The following STAC variants were observed in gnomAD, a reference collection of about 807,000 sequenced individuals.
STAC encodes SH3 and cysteine rich domain, also known as SH3 and cysteine-rich domain-containing protein.
Under a neutral mutation model 48.8 loss-of-function variants are expected in STAC, and 43 were observed. That is an observed-to-expected ratio of 0.88 (90% CI 0.69 to 1.14). The LOEUF is 1.14. Among genes scored for constraint, STAC ranks in the 50% most tolerant of loss-of-function variants. The pLI is 0.00. For missense variants in STAC, 497 were observed against 504.0 expected (o/e 0.99, Z 0.13); for synonymous variants, 193 against 179.5 (o/e 1.07, Z -0.60).
chr3:36,510,648 C>T (rs565583039), intron 8 of STAC, among the ~76,000 whole-genome samples: 286 of 152,220 alleles, frequency 1.9e-3, no homozygotes, highest in African/African-American at 6.5e-3. Context: ...TGAGTTCATG[C>T]CCTTTGCAGG....
At chr3:36,522,517 C>T (rs1287737563) in intron 8 of STAC, among the ~76,000 whole-genome samples, 2 of 152,112 alleles carry the variant, frequency 1.3e-5, no homozygotes, top group Non-Finnish European at 2.9e-5. Flanking sequence ...ATTTTTGTAT[C>T]CCCCAATGCA....
intron 2 of STAC, among the ~76,000 whole-genome samples, chr3:36,481,519 T>C (rs73827546): frequency 0.024 from 3,637 of 152,292 alleles, 135 homozygotes; most frequent in African/African-American, 0.082. Context: ...GGTCTGTGGA[T>C]GGCTGTGCTG....
At chr3:36,460,105 C>G (rs1327971828) in intron 2 of STAC, among the ~76,000 whole-genome samples, 1 of 151,962 alleles carries the variant, frequency 6.6e-6, no homozygotes, top group Non-Finnish European at 1.5e-5. Flanking sequence ...TTCTTCTATG[C>G]AAAGGAAAGA....
At chr3:36,503,410 T>G (rs1166125656) in intron 6 of STAC, among the ~76,000 whole-genome samples, 2 of 152,002 alleles carry the variant, frequency 1.3e-5, no homozygotes, top group African/African-American at 4.8e-5. Context: ...GCTCATTTTG[T>G]TTATTGTTTT....
intron 2 of STAC, among the ~76,000 whole-genome samples, chr3:36,450,522 A>G (rs1187455945): frequency 6.6e-6 from 1 of 152,338 alleles, no homozygotes; most frequent in East Asian, 1.9e-4. Flanking sequence ...AATTATATCC[A>G]TACCCAAATA....
chr3:36,391,348 G>A (rs1420637080), intron 1 of STAC, among the ~76,000 whole-genome samples: 1 of 152,134 alleles, frequency 6.6e-6, no homozygotes, highest in Non-Finnish European at 1.5e-5. Context: ...CCCTTCTCAT[G>A]CTTCATAATC....
At chr3:36,434,916 C>T (rs1700793323) in intron 1 of STAC, among the ~76,000 whole-genome samples, 1 of 152,152 alleles carries the variant, frequency 6.6e-6, no homozygotes, top group Non-Finnish European at 1.5e-5. Context: ...CCAGCAGGCA[C>T]CAGAAAACAA....
At chr3:36,393,024 C>A (rs1159844995) in intron 1 of STAC, among the ~76,000 whole-genome samples, 2 of 152,166 alleles carry the variant, frequency 1.3e-5, no homozygotes, top group Non-Finnish European at 2.9e-5. Context: ...CCATATCAGC[C>A]ACCCACTTCC....
intron 2 of STAC, among the ~76,000 whole-genome samples, chr3:36,482,115 A>G (rs944330510): frequency 1.3e-5 from 2 of 152,192 alleles, no homozygotes; most frequent in Admixed American, 6.5e-5. Context: ...CTACCATCTT[A>G]CTTTGGGATA....
chr3:36,396,011 G>A (rs1202680047), intron 1 of STAC, among the ~76,000 whole-genome samples: 1 of 151,596 alleles, frequency 6.6e-6, no homozygotes, highest in African/African-American at 2.4e-5. Flanking sequence ...GAGTCTTTCT[G>A]GTACATAATA....
intron 6 of STAC, among the ~76,000 whole-genome samples, chr3:36,500,150 T>A (rs1248962842): frequency 1.3e-5 from 2 of 152,172 alleles, no homozygotes; most frequent in Non-Finnish European, 2.9e-5. Flanking sequence ...TGATGACACA[T>A]TTGACAATCC....
At chr3:36,453,459 G>A (rs995408218) in intron 2 of STAC, among the ~76,000 whole-genome samples, 19 of 152,182 alleles carry the variant, frequency 1.2e-4, no homozygotes, top group Admixed American at 6.5e-5. Flanking sequence ...GGCCCCACCG[G>A]CCCCGGGCAG....
rs1314284879 is a variant in STAC, at chr3:36,514,980, G to A, written c.920+9146G>A. On this transcript the variant is annotated intron_variant, in intron 8 of 10. Coordinates refer to ENST00000273183, the MANE Select transcript of STAC (RefSeq NM_003149.3). Reference sequence around the variant, plus strand: ...TTGAACCAGGGAGGTGGAGGTTGCAGTGAGCCAAGATCACGCCATTGCCCT... The same window carrying A: ...TTGAACCAGGGAGGTGGAGGTTGCAATGAGCCAAGATCACGCCATTGCCCT... Among the ~76,000 whole-genome samples, 4 of 151,920 alleles carry A rather than the reference G, an allele frequency of 2.6e-5. No homozygotes were observed. The East Asian group carries it at 5.8e-4, about 22-fold the overall frequency.
intron 1 of STAC, among the ~76,000 whole-genome samples, chr3:36,424,135 C>A (rs913179197): frequency 2.0e-5 from 3 of 152,058 alleles, no homozygotes; most frequent in Admixed American, 2.0e-4. Flanking sequence ...ATGAAAAGAT[C>A]CCCCCACTCA....
At chr3:36,428,826 A>C (rs1444957142) in intron 1 of STAC, among the ~76,000 whole-genome samples, 1 of 152,236 alleles carries the variant, frequency 6.6e-6, no homozygotes, top group African/African-American at 2.4e-5. Flanking sequence ...ATTAGATTTT[A>C]TTGTAACTAC....
At chr3:36,544,575 T>C (rs1699402338) in intron 10 of STAC, among the ~76,000 whole-genome samples, 1 of 152,194 alleles carries the variant, frequency 6.6e-6, no homozygotes, top group South Asian at 2.1e-4. Context: ...AAAAACTATG[T>C]TTTGTGCTCC....
chr3:36,510,127 T>C (rs1477357743), intron 8 of STAC, among the ~76,000 whole-genome samples: 1 of 151,564 alleles, frequency 6.6e-6, no homozygotes, highest in South Asian at 2.1e-4. Flanking sequence ...AAAAACCCCA[T>C]CAAAAAGTGG....
At chr3:36,410,235 C>A (rs910405896) in intron 1 of STAC, among the ~76,000 whole-genome samples, 1 of 152,228 alleles carries the variant, frequency 6.6e-6, no homozygotes. Flanking sequence ...TATAGATTTA[C>A]TAGTGTGTGT....
intron 1 of STAC, chr3:36,409,749 TAAAGCCAAACAGA>T (rs1700153491): frequency 6.6e-6 from 1 of 152,216 alleles, no homozygotes; most frequent in African/African-American, 2.4e-5. Flanking sequence ...AGTGGCTCCA[TAAAGCCAAACAGA>T]ATGAACATTC....
Sources: allele counts gnomAD v4.1 joint callset (sites outside exome capture counted in the v4.1 genomes callset), GRCh38; gene constraint gnomAD v4.1.1; transcripts MANE v1.5; gene names NCBI Gene and HGNC (gene_info 2026-07-23, HGNC 2026-07-21).